Variants in COL22A1 observed in about 807,000 individuals in gnomAD.
COL22A1 encodes collagen type XXII alpha 1 chain, also known as collagen alpha-1(XXII) chain.
In COL22A1, 221 loss-of-function variants were observed where a neutral mutation model predicts 248.9. That is an observed-to-expected ratio of 0.89 (90% CI 0.80 to 0.99). COL22A1 has a LOEUF of 0.99. Among genes scored for constraint, COL22A1 ranks in the 50% least tolerant of loss-of-function variants. The pLI is 0.00. For missense variants in COL22A1, 2,240 were observed against 2,179.0 expected (o/e 1.03, Z -0.56); for synonymous variants, 891 against 793.4 (o/e 1.12, Z -2.07).
At chr8:138,745,751 G>A (rs1832051407) in intron 22 of COL22A1, among the ~76,000 whole-genome samples, 1 of 152,150 alleles carries the variant, frequency 6.6e-6, no homozygotes, top group African/African-American at 2.4e-5. Context: ...TATTGGAAAA[G>A]TGAGCCTCCT....
chr8:138,606,907 A>G (rs7839636), intron 57 of COL22A1, among the ~76,000 whole-genome samples: 94,890 of 151,952 alleles, frequency 0.62, 32,388 homozygotes, highest in Middle Eastern at 0.82. Context: ...TCCAGGATCA[A>G]CTCTGCACTA....
chr8:138,857,841 G>A (rs114191179), intron 3 of COL22A1, among the ~76,000 whole-genome samples: 1,681 of 152,304 alleles, frequency 0.011, 40 homozygotes, highest in African/African-American at 0.039. Context: ...ACCAGACCGC[G>A]CCAGGACTGG....
In COL22A1 at chr8:138,606,074, A is replaced by G. The variant is rs572102716; in HGVS notation, c.4104+307T>C. The stretch of plus-strand genomic sequence containing the variant: ...CTGATCCCTTTATATGAATGATTTC[A>G]TTTAATCCTCAGAAGTAGATGCTGT... On this transcript the variant is annotated intron_variant, in intron 58 of 64. Transcript: ENST00000303045. Among the ~76,000 whole-genome samples the G allele has an allele frequency of 2.6e-5, 4 of 152,316 alleles. No individual in the cohort carries two copies. In the South Asian group the frequency reaches 8.3e-4, roughly 32 times the overall value.
chr8:138,646,853 T>G (rs568282232), intron 46 of COL22A1, among the ~76,000 whole-genome samples, 171 bp from the exon 47 acceptor site: 25 of 152,152 alleles, frequency 1.6e-4, no homozygotes, highest in Non-Finnish European at 3.1e-4. Context: ...AGGCAAGTGG[T>G]AGTACTGAGT....
chr8:138,606,324 G>A (rs1818416704), intron 58 of COL22A1, 57 bp downstream of exon 58: 3 of 1,465,048 alleles, frequency 2.0e-6, no homozygotes, highest in Non-Finnish European at 2.8e-6. Context: ...GGTACTGCAT[G>A]TGAACATCAC....
At position 138,662,054 on chromosome 8, in the gene COL22A1, G is replaced by T; in HGVS notation, c.3216C>A (p.Gly1072=). 7 of 1,612,284 alleles carry T rather than the reference G, an allele frequency of 4.3e-6. No individual in the cohort carries two copies. Among genetic ancestry groups the T allele is most frequent in the South Asian group, 1.1e-5 (1 of 90,620 alleles). ...CGTCCCGGCCGGCTGGGCCCTGGGG[G>T]CCAGGGAATCCAGGTAAGCCTCGTG... ...PGSRGLPGFP[G]PQGPAGRDGA... The change falls in exon 43 of 65, where the codon GGC becomes GGA. Residue 1072 remains glycine (G), a synonymous_variant. Coordinates refer to ENST00000303045, the MANE Select transcript of COL22A1 (RefSeq NM_152888.3).
At chr8:138,690,672 CTA>C in intron 36 of COL22A1, 147 bp downstream of exon 36, 3 of 566,900 alleles carry the variant, frequency 5.3e-6, no homozygotes, top group Non-Finnish European at 8.8e-6. Context: ...TCTGGGTGGT[CTA>C]TGTCAGGACA....
At chr8:138,643,764 A>G (rs1270496573) in intron 47 of COL22A1, among the ~76,000 whole-genome samples, 2 of 152,216 alleles carry the variant, frequency 1.3e-5, no homozygotes, top group Admixed American at 6.5e-5. Flanking sequence ...CAGTGTCACA[A>G]TCTTCACTCA....
At chr8:138,676,743 G>T in intron 40 of COL22A1, 108 bp from the exon 41 acceptor site, 2 of 807,624 alleles carry the variant, frequency 2.5e-6, no homozygotes, top group Non-Finnish European at 4.0e-6. Flanking sequence ...GGCTTCTCCT[G>T]CCACCTGGCC....
intron 38 of COL22A1, 65 bp from the exon 39 acceptor site, chr8:138,684,534 G>A (rs868387463): frequency 7.8e-6 from 9 of 1,156,242 alleles, no homozygotes; most frequent in African/African-American, 3.0e-5. Context: ...CATCCACCAC[G>A]TGCCAGGCTG....
intron 51 of COL22A1, among the ~76,000 whole-genome samples, chr8:138,625,177 C>A (rs1820133778): frequency 2.6e-5 from 4 of 152,056 alleles, no homozygotes; most frequent in Admixed American, 2.0e-4. Flanking sequence ...CCTCTCCTAG[C>A]CTGGTGGGGA....
chr8:138,620,897 C>T (rs1399704827), intron 52 of COL22A1, among the ~76,000 whole-genome samples: 6 of 152,126 alleles, frequency 3.9e-5, no homozygotes, highest in African/African-American at 1.4e-4. Flanking sequence ...ATATATCCAT[C>T]TGTGTATCCA....
At chr8:138,906,369 C>CAAAA (rs9324499) in intron 1 of COL22A1, among the ~76,000 whole-genome samples, 83,525 of 143,370 alleles carry the variant, frequency 0.58, 24,820 homozygotes, top group Middle Eastern at 0.66. Context: ...GACTCCGTCT[C>CAAAA]AAAAAAAAAA....
At chr8:138,714,552 C>G (rs1264952592) in intron 30 of COL22A1, among the ~76,000 whole-genome samples, 1 of 152,184 alleles carries the variant, frequency 6.6e-6, no homozygotes, top group Non-Finnish European at 1.5e-5. Flanking sequence ...GCTCCCTCCC[C>G]TTGTCCTTTC....
At chr8:138,708,988 G>A (rs1445797788) in intron 30 of COL22A1, among the ~76,000 whole-genome samples, 3 of 152,134 alleles carry the variant, frequency 2.0e-5, no homozygotes, top group African/African-American at 7.2e-5. Context: ...GATATGAACA[G>A]ACACTTCTCA....
intron 32 of COL22A1, among the ~76,000 whole-genome samples, chr8:138,696,493 A>C (rs1041954293): frequency 2.6e-5 from 4 of 152,194 alleles, no homozygotes; most frequent in African/African-American, 9.6e-5. Context: ...TCAGCATAGA[A>C]AGACACTATC....
intron 22 of COL22A1, among the ~76,000 whole-genome samples, chr8:138,741,094 A>G (rs7386845): frequency 0.78 from 118,599 of 152,140 alleles, 47,029 homozygotes; most frequent in East Asian, 0.99. Context: ...TGGACTGCTT[A>G]GCTCAGCCCC....
At chr8:138,606,494 A>G (rs757899732) in intron 57 of COL22A1, 42 bp from the exon 58 acceptor site, 2 of 1,592,122 alleles carry the variant, frequency 1.3e-6, no homozygotes, top group African/African-American at 1.3e-5. Context: ...AAGGTCACGT[A>G]CCAACTCAAG....
At chr8:138,624,648 G>C in intron 51 of COL22A1, among the ~76,000 whole-genome samples, 1 of 151,930 alleles carries the variant, frequency 6.6e-6, no homozygotes, top group Non-Finnish European at 1.5e-5. Context: ...AATTAAATCA[G>C]TACGTATTTC....
Sources: allele counts gnomAD v4.1 joint callset (sites outside exome capture counted in the v4.1 genomes callset), GRCh38; gene constraint gnomAD v4.1.1; transcripts MANE v1.5; gene names NCBI Gene and HGNC (gene_info 2026-07-23, HGNC 2026-07-21).